The following DIP2B variants were observed in gnomAD, a reference collection of about 807,000 sequenced individuals.
The protein encoded by DIP2B is DIP2 acetate--CoA ligase B (putative).
Under a neutral mutation model 198.0 loss-of-function variants are expected in DIP2B, and 76 were observed. The ratio of observed to expected loss-of-function variants is 0.38; its 90% CI spans 0.32 to 0.46. DIP2B has a LOEUF of 0.46. Ranked by LOEUF, DIP2B falls within the 20% of genes least tolerant of loss-of-function variation. The pLI is 0.99. For synonymous variants in DIP2B, 701 were observed against 739.1 expected (o/e 0.95, Z 0.84); for missense variants, 1,559 against 1,978.4 (o/e 0.79, Z 4.02).
At chr12:50,698,185 C>T (rs1592132897) in intron 17 of DIP2B, 143 bp from the exon 18 acceptor site, 1 of 1,024,442 alleles carries the variant, frequency 9.8e-7, no homozygotes, top group East Asian at 2.7e-5. Context: ...ACACCACACC[C>T]AGCTCTAATT....
At chr12:50,522,800 A>G (rs1958132397) in intron 1 of DIP2B, among the ~76,000 whole-genome samples, 1 of 152,222 alleles carries the variant, frequency 6.6e-6, no homozygotes, top group Non-Finnish European at 1.5e-5. Flanking sequence ...TAGTCGTCTG[A>G]AAGAAACATT....
chr12:50,579,902 G>GTATGGAT (rs1314532236), intron 1 of DIP2B, among the ~76,000 whole-genome samples: 1 of 150,896 alleles, frequency 6.6e-6, no homozygotes, highest in Non-Finnish European at 1.5e-5. Flanking sequence ...TGCTGATCTG[G>GTATGGAT]TATGGATACA....
At chr12:50,716,077 C>G (rs1446571569) in intron 23 of DIP2B, among the ~76,000 whole-genome samples, 1 of 152,164 alleles carries the variant, frequency 6.6e-6, no homozygotes, top group Non-Finnish European at 1.5e-5. Context: ...TTGTTTTAAA[C>G]TACTGCAAAA....
chr12:50,655,681 G>C (rs949350419), intron 3 of DIP2B, among the ~76,000 whole-genome samples: 1 of 152,174 alleles, frequency 6.6e-6, no homozygotes, highest in Admixed American at 6.5e-5. Flanking sequence ...TCATATTGAC[G>C]TAAGATAGCA....
At chr12:50,552,749 C>G (rs937366714) in intron 1 of DIP2B, among the ~76,000 whole-genome samples, 2 of 151,948 alleles carry the variant, frequency 1.3e-5, no homozygotes, top group African/African-American at 4.8e-5. Context: ...TATTATTAAG[C>G]TTTTCTTCCA....
chr12:50,728,519 C>T (rs2139594786), intron 29 of DIP2B, 29 bp from the exon 30 acceptor site: 1 of 1,610,502 alleles, frequency 6.2e-7, no homozygotes, highest in Non-Finnish European at 8.5e-7. Flanking sequence ...ATAACAGTCC[C>T]AGCCTGTTCC....
chr12:50,697,533 CTTTTTT>C (rs11306905), intron 17 of DIP2B, among the ~76,000 whole-genome samples: 10 of 45,958 alleles, frequency 2.2e-4, no homozygotes, highest in African/African-American at 8.9e-4. Context: ...TATAGATATA[CTTTTTT>C]TTTTTTTTTT....
chr12:50,654,972 A>T, intron 3 of DIP2B: 1 of 444,596 alleles, frequency 2.2e-6, no homozygotes, highest in Non-Finnish European at 4.5e-6. Flanking sequence ...ATTTTTCAAG[A>T]TGTGACAAAA....
intron 9 of DIP2B, among the ~76,000 whole-genome samples, chr12:50,681,358 C>G (rs1939037181): frequency 6.6e-6 from 1 of 151,840 alleles, no homozygotes; most frequent in Non-Finnish European, 1.5e-5. Flanking sequence ...ATTGCTTGAG[C>G]CCAGGAGTTC....
At chr12:50,582,100 G>A (rs894202847) in intron 1 of DIP2B, among the ~76,000 whole-genome samples, 34 of 148,498 alleles carry the variant, frequency 2.3e-4, no homozygotes, top group African/African-American at 8.2e-4. Flanking sequence ...TTTAGATGAA[G>A]TGAATTTTGT....
chr12:50,725,853 C>G (rs1470678504), intron 28 of DIP2B, among the ~76,000 whole-genome samples: 2 of 149,708 alleles, frequency 1.3e-5, no homozygotes, highest in African/African-American at 4.9e-5. Context: ...GTCCTCCCTA[C>G]CCTTTTTTTT....
At position 50,745,496 on chromosome 12, in the gene DIP2B, A is replaced by G. The variant is rs4768914; in HGVS notation, c.*657A>G. On this transcript the variant is annotated 3_prime_UTR_variant, in exon 38 of 38. Transcript: ENST00000301180. Reference sequence around the variant, plus strand: ...ACATTTCTACTTTGAGAGAATTTCAATATTCTCTTAATGTTGTGTAATTGA... The same window carrying G: ...ACATTTCTACTTTGAGAGAATTTCAGTATTCTCTTAATGTTGTGTAATTGA... 43,870 of 152,394 alleles carry G rather than the reference A, an allele frequency of 0.29. 6,637 individuals are homozygous for G. Among genetic ancestry groups the G allele is most frequent in the East Asian group, 0.41 (2,115 of 5,182 alleles). The allele number at this position is 152,394 out of a possible 1,614,324, so 9.4% of individuals were successfully genotyped here.
intron 1 of DIP2B, among the ~76,000 whole-genome samples, chr12:50,507,529 C>CT (rs1565806364): frequency 6.6e-6 from 1 of 152,068 alleles, no homozygotes; most frequent in Non-Finnish European, 1.5e-5. Context: ...AGTACTTTGT[C>CT]TTTTTTTGTT....
intron 1 of DIP2B, among the ~76,000 whole-genome samples, chr12:50,525,396 G>C (rs1278961250): frequency 6.6e-6 from 1 of 151,720 alleles, no homozygotes; most frequent in Non-Finnish European, 1.5e-5. Context: ...ACCGGTAGAG[G>C]GTTATTGGGC....
At chr12:50,620,236 AG>A (rs1937784607) in intron 1 of DIP2B, among the ~76,000 whole-genome samples, 1 of 152,128 alleles carries the variant, frequency 6.6e-6, no homozygotes, top group Non-Finnish European at 1.5e-5. Context: ...TGTGGCTTTT[AG>A]GAGGCTTGGG....
intron 3 of DIP2B, among the ~76,000 whole-genome samples, chr12:50,655,943 C>G (rs1162622122): frequency 6.6e-6 from 1 of 152,048 alleles, no homozygotes; most frequent in Non-Finnish European, 1.5e-5. Flanking sequence ...CCACTGCACT[C>G]CAGCCTGGGT....
At chr12:50,569,518 T>C (rs2139405978) in intron 1 of DIP2B, among the ~76,000 whole-genome samples, 1 of 152,352 alleles carries the variant, frequency 6.6e-6, no homozygotes, top group South Asian at 2.1e-4. Flanking sequence ...CTCCTTCCTT[T>C]GGCCTGCTGC....
At chr12:50,608,296 A>G (rs118130974) in intron 1 of DIP2B, among the ~76,000 whole-genome samples, 1 of 152,346 alleles carries the variant, frequency 6.6e-6, no homozygotes, top group Non-Finnish European at 1.5e-5. Flanking sequence ...CATTTTGATT[A>G]TGCTGAAAAC....
chr12:50,675,393 CA>C lies in DIP2B; in HGVS notation c.865del (p.Arg289GlyfsTer4). 2 of 1,613,878 alleles carry C rather than the reference CA, an allele frequency of 1.2e-6. No individual in the cohort carries two copies. Among genetic ancestry groups the C allele is most frequent in the South Asian group, 1.1e-5 (1 of 91,052 alleles). On this transcript the variant is annotated frameshift_variant, in exon 7 of 38. Coordinates refer to ENST00000301180, the MANE Select transcript of DIP2B (RefSeq NM_173602.3). LOFTEE classifies it high-confidence loss of function. The stretch of plus-strand genomic sequence containing the variant: ...AGCTTCTGAACACTCTGAAACGACC[CA>C]AAAGGCCTCCCTTAAAGGAATTTTT... ...QQLLNTLKRP[K>X]RPPLKEFFVD...
Sources: allele counts gnomAD v4.1 joint callset (sites outside exome capture counted in the v4.1 genomes callset), GRCh38; gene constraint gnomAD v4.1.1; transcripts MANE v1.5; gene names NCBI Gene and HGNC (gene_info 2026-07-23, HGNC 2026-07-21).